Variants in PRKACB observed in about 807,000 individuals in gnomAD.
PRKACB encodes protein kinase cAMP-activated catalytic subunit beta.
PRKACB carries 16 observed loss-of-function variants against 51.4 expected under a neutral mutation model. The observed-to-expected ratio is 0.31, with a 90% CI of 0.21 to 0.47. The LOEUF is 0.47. PRKACB is among the 20% of genes least tolerant of loss of function. PRKACB has a pLI of 1.00. For missense variants in PRKACB, 309 were observed against 464.5 expected (o/e 0.67, Z 3.08); for synonymous variants, 147 against 154.4 (o/e 0.95, Z 0.35).
At chr1:84,134,057 A>C (rs1051102710) in intron 1 of PRKACB, among the ~76,000 whole-genome samples, 1 of 152,112 alleles carries the variant, frequency 6.6e-6, no homozygotes, top group Admixed American at 6.5e-5. Flanking sequence ...TGGAGTGGGA[A>C]AGTAGTCTCC....
chr1:84,232,146 A>C (rs1260018041), intron 9 of PRKACB, among the ~76,000 whole-genome samples: 1 of 151,980 alleles, frequency 6.6e-6, no homozygotes, highest in South Asian at 2.1e-4. Context: ...GTTTCAAAGA[A>C]CATCTTTATT....
At chr1:84,168,019 G>C (rs1462592633) in intron 1 of PRKACB, among the ~76,000 whole-genome samples, 1 of 151,526 alleles carries the variant, frequency 6.6e-6, no homozygotes, top group Non-Finnish European at 1.5e-5. Flanking sequence ...GGTCTATAAA[G>C]AAATACTAAA....
chr1:84,156,155 A>C (rs1298177579), intron 1 of PRKACB, among the ~76,000 whole-genome samples: 1 of 151,714 alleles, frequency 6.6e-6, no homozygotes, highest in Non-Finnish European at 1.5e-5. Context: ...TGCCAGGCTA[A>C]TTTTTTTTAA....
chr1:84,106,377 G>C (rs1054637797), intron 1 of PRKACB, among the ~76,000 whole-genome samples: 1 of 152,158 alleles, frequency 6.6e-6, no homozygotes, highest in African/African-American at 2.4e-5. Context: ...CTGCCCAGAA[G>C]CTCCCTGATC....
chr1:84,206,623 C>A (rs1435866517), intron 8 of PRKACB, among the ~76,000 whole-genome samples: 2 of 152,208 alleles, frequency 1.3e-5, no homozygotes, highest in African/African-American at 4.8e-5. Flanking sequence ...TCATTAAATA[C>A]TCAATGCCCA....
chr1:84,105,072 A>T (rs1459333660), intron 1 of PRKACB, among the ~76,000 whole-genome samples: 1 of 152,224 alleles, frequency 6.6e-6, no homozygotes, highest in Non-Finnish European at 1.5e-5. Context: ...GCATTTAGTT[A>T]GCAGAGCACA....
At chr1:84,189,172 A>T (rs779146301) in intron 5 of PRKACB, among the ~76,000 whole-genome samples, 1 of 151,898 alleles carries the variant, frequency 6.6e-6, no homozygotes, top group Non-Finnish European at 1.5e-5. Context: ...CAATCATCTG[A>T]AAGTTGATTG....
At chr1:84,162,394 C>T (rs1480951237) in intron 1 of PRKACB, among the ~76,000 whole-genome samples, 1 of 152,082 alleles carries the variant, frequency 6.6e-6, no homozygotes, top group Non-Finnish European at 1.5e-5. Context: ...CTTTGTCTCT[C>T]TCCTTTTTTT....
intron 1 of PRKACB, among the ~76,000 whole-genome samples, chr1:84,152,923 G>T (rs1571850890): frequency 6.6e-6 from 1 of 152,080 alleles, no homozygotes; most frequent in African/African-American, 2.4e-5. Flanking sequence ...CTAGCTTTTG[G>T]CCTGTCTCAG....
chr1:84,175,935 A>G, intron 1 of PRKACB: 1 of 669,908 alleles, frequency 1.5e-6, no homozygotes, highest in Non-Finnish European at 2.3e-6. Context: ...TTTTTGTAGT[A>G]TCTACTTTGT....
rs187450010 is a variant in PRKACB, at chr1:84,110,455, C to T, written c.46+32084C>T. On this transcript the variant is annotated intron_variant, in intron 1 of 8. Transcript: ENST00000370688. Reference sequence around the variant, plus strand: ...CTGGAAAGAAAATGTAAACTTGCTTCCTCTATGCTGTATCATCATCTTATT... The same window carrying T: ...CTGGAAAGAAAATGTAAACTTGCTTTCTCTATGCTGTATCATCATCTTATT... Among the ~76,000 whole-genome samples, 638 of 151,798 alleles carry T rather than the reference C, an allele frequency of 4.2e-3. 4 individuals carry two copies. Among genetic ancestry groups the T allele is most frequent in the African/African-American group, 0.015 (602 of 41,496 alleles).
intron 7 of PRKACB, among the ~76,000 whole-genome samples, chr1:84,199,619 G>A (rs1051885176): frequency 3.9e-5 from 6 of 152,114 alleles, no homozygotes; most frequent in Non-Finnish European, 7.4e-5. Context: ...ATAAACAAAT[G>A]CATGTGTCTT....
At chr1:84,230,488 T>G (rs1439206688) in intron 9 of PRKACB, among the ~76,000 whole-genome samples, 2 of 152,214 alleles carry the variant, frequency 1.3e-5, no homozygotes. Context: ...GGTAGCTTGA[T>G]GGGGATGGCA....
intron 1 of PRKACB, among the ~76,000 whole-genome samples, chr1:84,114,711 T>G (rs183257946): frequency 6.6e-6 from 1 of 152,240 alleles, no homozygotes; most frequent in Admixed American, 6.5e-5. Context: ...CTTCCCAGTC[T>G]CTGCTATCTA....
intron 6 of PRKACB, 81 bp downstream of exon 6, chr1:84,196,823 A>AT (rs2101215334): frequency 3.0e-5 from 42 of 1,401,020 alleles, no homozygotes; most frequent in Admixed American, 7.0e-5. Context: ...CCAACTTGGA[A>AT]TTTTTTTTGA....
chr1:84,107,308 T>C (rs1227505285), intron 1 of PRKACB, among the ~76,000 whole-genome samples: 1 of 152,082 alleles, frequency 6.6e-6, no homozygotes, highest in African/African-American at 2.4e-5. Flanking sequence ...ACTGGACCCC[T>C]TCCTTATACC....
intron 1 of PRKACB, among the ~76,000 whole-genome samples, chr1:84,107,951 C>T (rs1481368354): frequency 6.6e-6 from 1 of 152,088 alleles, no homozygotes; most frequent in Non-Finnish European, 1.5e-5. Flanking sequence ...AACAGACCTA[C>T]CATTGGACCC....
At chr1:84,141,859 G>T (rs1653450984), upstream of PRKACB, among the ~76,000 whole-genome samples, 1 of 152,070 alleles carries the variant, frequency 6.6e-6, no homozygotes, top group African/African-American at 2.4e-5. Flanking sequence ...ATTAAAGGGG[G>T]TAATTGGAAG....
rs1401182734 is a variant in PRKACB at position 84,238,465 on chromosome 1, T to A, written c.*3160T>A. On this transcript the variant is annotated 3_prime_UTR_variant, in exon 10 of 10. Coordinates refer to ENST00000370685, the MANE Select transcript of PRKACB (RefSeq NM_182948.4). Reference sequence around the variant, plus strand: ...CTGTGTTTTTTAATTAATCAATAACTGCAAAATTAAAGTACCTTCAATGGA... The same window carrying A: ...CTGTGTTTTTTAATTAATCAATAACAGCAAAATTAAAGTACCTTCAATGGA... 6.6e-6 allele frequency: 1 copy of A among 152,636 alleles called. No homozygotes were observed. Among genetic ancestry groups the A allele is most frequent in the Non-Finnish European group, 1.5e-5 (1 of 68,016 alleles). The allele number at this position is 152,636 out of a possible 1,614,324, so 9.5% of individuals were successfully genotyped here. A position where few individuals can be genotyped will look rare whatever the true frequency, so the allele number is the denominator to read the frequency against.
Sources: allele counts gnomAD v4.1 joint callset (sites outside exome capture counted in the v4.1 genomes callset), GRCh38; gene constraint gnomAD v4.1.1; transcripts MANE v1.5; gene names NCBI Gene and HGNC (gene_info 2026-07-23, HGNC 2026-07-21).